Variants in DOCK9 observed in about 807,000 individuals in gnomAD.
DOCK9 encodes the protein dedicator of cytokinesis protein 9.
Under a neutral mutation model 263.3 loss-of-function variants are expected in DOCK9, and 89 were observed. The ratio of observed to expected loss-of-function variants is 0.34; its 90% confidence interval spans 0.28 to 0.40. The LOEUF (loss-of-function observed/expected upper bound fraction) is 0.40, where lower values mean the gene tolerates loss of function less well. Ranked by LOEUF, DOCK9 falls within the 10% of genes least tolerant of loss-of-function variation. DOCK9 has a pLI of 1.00. For synonymous variants in DOCK9, 976 were observed against 973.1 expected (o/e 1.00, Z -0.06); for missense variants, 2,140 against 2,603.4 (o/e 0.82, Z 3.87).
At chr13:99,070,289 T>C (rs1361652735) in intron 1 of DOCK9, among the ~76,000 whole-genome samples, 1 of 152,238 alleles carries the variant, frequency 6.6e-6, no homozygotes, top group Non-Finnish European at 1.5e-5. Context: ...ATTCAATGTA[T>C]TTGCTTTTTC....
At chr13:99,023,594 CTGATGTGTACA>C (rs1347143724) in intron 1 of DOCK9, among the ~76,000 whole-genome samples, 1 of 152,208 alleles carries the variant, frequency 6.6e-6, no homozygotes, top group African/African-American at 2.4e-5. Context: ...CCGAGTATCA[CTGATGTGTACA>C]CTTAAAAATA....
At chr13:99,007,499 G>T (rs899479929) in intron 1 of DOCK9, among the ~76,000 whole-genome samples, 34 of 152,168 alleles carry the variant, frequency 2.2e-4, no homozygotes, top group Non-Finnish European at 4.4e-5. Context: ...CTTCAGCAAA[G>T]CAGTAGCAGC....
chr13:98,894,995 G>T (rs974213817), intron 15 of DOCK9, among the ~76,000 whole-genome samples: 1 of 148,434 alleles, frequency 6.7e-6, no homozygotes, highest in Non-Finnish European at 1.5e-5. Context: ...TTAGCGGGGC[G>T]TGGCAGCATG....
chr13:98,867,402 TAATAGA>T lies in DOCK9; in HGVS notation c.3286+17_3286+22del, dbSNP rs746548823. 2 of 1,268,298 alleles carry T rather than the reference TAATAGA, an allele frequency of 1.6e-6. No homozygotes were observed. The highest frequency in any genetic ancestry group is 3.8e-5 in the Admixed American group (2 of 52,468). 78.6% of individuals were successfully genotyped at this position (1,268,298 alleles called of 1,614,324 possible). A position where few individuals can be genotyped will look rare whatever the true frequency, so the allele number is the denominator to read the frequency against. On this transcript the variant is annotated intron_variant, in intron 30 of 52. Coordinates refer to ENST00000682017, the MANE Select transcript of DOCK9 (RefSeq NM_001366683.2). ...TAAATGTCTCTGTTTGTGAAAAGGT[TAATAGA>T]AATAAAGATGGATTACCTTGGTATC...
At chr13:98,865,564 C>G (rs529948711) in intron 30 of DOCK9, among the ~76,000 whole-genome samples, 1 of 152,198 alleles carries the variant, frequency 6.6e-6, no homozygotes, top group East Asian at 1.9e-4. Context: ...CTGAGCGAAG[C>G]CCGTCTTGCT....
rs776819181 is a variant in DOCK9 at position 98,863,073 on chromosome 13, G to A, written c.3525C>T (p.Asn1175=). The A allele has an allele frequency of 1.4e-5, 23 of 1,611,814 alleles. No individual in the cohort carries two copies. In the South Asian group the frequency reaches 1.4e-4, roughly 10 times the overall value. ...YLPLFGLLIE[N]VQRINVRDVS... ...CATCCCTCACATTGATCCGCTGGAC[G>A]TTTTCAATCAGCAGACCAAACAGAG... is the stretch of plus-strand genomic sequence containing the variant. The change falls in exon 32 of 53, where the codon AAC becomes AAT. Residue 1175 remains asparagine (N), a synonymous_variant. Coordinates refer to ENST00000682017, the MANE Select transcript of DOCK9 (RefSeq NM_001366683.2).
chr13:98,885,979 A>C (rs1240266107), intron 19 of DOCK9, 148 bp from the exon 20 acceptor site: 2 of 680,452 alleles, frequency 2.9e-6, no homozygotes. Flanking sequence ...TACTGAGACT[A>C]TAAATTGTGC....
At chr13:99,086,343 C>T (rs747558588) in exon 1 of DOCK9, 1 of 1,444,634 alleles carries the variant, frequency 6.9e-7, no homozygotes, top group South Asian at 1.3e-5. Context: ...GCAGCGGCGG[C>T]TGCGACATCC....
Position 98,888,230 on chromosome 13 carries a change from C to A in DOCK9, c.1978-7G>T, listed in dbSNP as rs370031686. 6.2e-7 allele frequency: 1 copy of A among 1,610,430 alleles called. No individual in the cohort carries two copies. The highest frequency in any genetic ancestry group is 8.5e-7 in the Non-Finnish European group (1 of 1,178,298). On this transcript the variant is annotated splice_region_variant and splice_polypyrimidine_tract_variant and intron_variant, in intron 17 of 52. Transcript: ENST00000682017. Reference sequence around the variant, plus strand: ...AAATCGCAATATTTCTAGCCTGCAGCAATAAACAAAACAGAATAAGAAAAA... The same window carrying A: ...AAATCGCAATATTTCTAGCCTGCAGAAATAAACAAAACAGAATAAGAAAAA...
intron 1 of DOCK9, among the ~76,000 whole-genome samples, chr13:99,021,429 G>A (rs1480067835): frequency 2.0e-5 from 3 of 152,134 alleles, no homozygotes; most frequent in Admixed American, 6.6e-5. Context: ...CACGAGGTCA[G>A]GTGATTGAGA....
intron 50 of DOCK9, among the ~76,000 whole-genome samples, chr13:98,799,688 T>C (rs1566508581): frequency 6.6e-6 from 1 of 152,124 alleles, no homozygotes. Flanking sequence ...CTATAACATA[T>C]ACAAAAATCA....
rs1422199187 is a variant in DOCK9, at chr13:98,826,818, A to G, written c.5023+12T>C. 6.3e-7 allele frequency: 1 copy of G among 1,599,562 alleles called. No homozygotes were observed. Among genetic ancestry groups the G allele is most frequent in the African/African-American group, 1.3e-5 (1 of 74,788 alleles). ...CTAATTAATTTCACAAAACATGAGA[A>G]TAATTCCTTACCTTTCCGTGTGAGA... is the stretch of plus-strand genomic sequence containing the variant. On this transcript the variant is annotated intron_variant, in intron 44 of 52. Coordinates refer to ENST00000682017, the MANE Select transcript of DOCK9 (RefSeq NM_001366683.2).
At chr13:99,087,474 G>T (rs1198112946), upstream of DOCK9, among the ~76,000 whole-genome samples, 1 of 152,240 alleles carries the variant, frequency 6.6e-6, no homozygotes, top group Non-Finnish European at 1.5e-5. Flanking sequence ...CGCCAGGCGG[G>T]GTACCAGGGA....
At chr13:98,811,687 C>T (rs1425103566) in intron 45 of DOCK9, among the ~76,000 whole-genome samples, 4 of 152,212 alleles carry the variant, frequency 2.6e-5, no homozygotes, top group East Asian at 3.9e-4. Context: ...GGATTACAGA[C>T]GTGTGCCACG....
At chr13:98,835,733 CTTTTTT>C (rs142745340) in intron 39 of DOCK9, among the ~76,000 whole-genome samples, 1 of 79,370 alleles carries the variant, frequency 1.3e-5, no homozygotes, top group East Asian at 4.4e-4. Context: ...CTTTACAACT[CTTTTTT>C]TTTTTTTTTT....
rs2093380319 is a variant in DOCK9 at position 98,846,040 on chromosome 13, G to A, written c.4082C>T (p.Pro1361Leu). The A allele has an allele frequency of 6.3e-7, 1 of 1,586,520 alleles. No individual in the cohort carries two copies. Among genetic ancestry groups the A allele is most frequent in the Non-Finnish European group, 8.6e-7 (1 of 1,165,438 alleles). ...YIARNQEGLG[P>L]IVHDRKSQTL... is the part of the protein sequence containing the mutation. ...CTGAGACTTTCGATCATGAACTATG[G>A]GTCCCAACCCCTCCTGGTTCCTGCA... is the stretch of plus-strand genomic sequence containing the variant. The change falls in exon 38 of 53, where the codon CCC becomes CTC. Residue 1361 changes from proline (P) to leucine (L), a missense_variant. This residue lies in a region of DOCK9 where 1,521 missense variants were observed against 1,741.7 expected (regional missense o/e 0.87). Coordinates refer to ENST00000682017, the MANE Select transcript of DOCK9 (RefSeq NM_001366683.2).
chr13:98,947,502 C>G (rs1241623341), intron 2 of DOCK9, among the ~76,000 whole-genome samples: 1 of 124,094 alleles, frequency 8.1e-6, no homozygotes, highest in African/African-American at 3.2e-5. Context: ...TGTGTCTATT[C>G]AGAATTTTTT....
Position 99,047,181 on chromosome 13 carries a change from T to C in DOCK9, c.129+39042A>G, listed in dbSNP as rs559230922. Among the ~76,000 whole-genome samples the C allele has an allele frequency of 3.3e-5, 5 of 152,306 alleles. No individual in the cohort carries two copies. In the South Asian group the frequency reaches 1.0e-3, roughly 32 times the overall value. On this transcript the variant is annotated intron_variant, in intron 1 of 32. Coordinates refer to the DOCK9 transcript ENST00000427887. ...TCCCAAGATAATGTGCTAATTGAAA[T>C]ACACGCCAGCTGACCCTAGAAGTAG...
intron 1 of DOCK9, among the ~76,000 whole-genome samples, chr13:98,957,901 A>G (rs995303257): frequency 1.3e-5 from 2 of 152,062 alleles, no homozygotes; most frequent in Non-Finnish European, 2.9e-5. Flanking sequence ...CAGGCCAGGG[A>G]GACTCTTTCA....
Sources: gnomAD v4.1 joint callset for allele counts (sites outside exome capture counted in the v4.1 genomes callset) on GRCh38, gnomAD v4.1.1 for gene constraint, gnomAD v4.1.1 regional missense constraint, MANE v1.5 for transcripts, NCBI Gene and HGNC (gene_info 2026-07-23, HGNC 2026-07-21) for gene names.